The following PARP8 variants were observed in gnomAD, a reference collection of about 807,000 sequenced individuals.
PARP8 encodes the protein poly(ADP-ribose) polymerase family member 8, also known as protein mono-ADP-ribosyltransferase PARP8.
A neutral mutation model predicts 124.1 loss-of-function variants in PARP8; 51 were observed. The ratio of observed to expected loss-of-function variants is 0.41; its 90% CI spans 0.33 to 0.52. PARP8 has a LOEUF of 0.52. Among genes scored for constraint, PARP8 ranks in the 20% least tolerant of loss-of-function variants. PARP8 has a pLI of 0.21. For synonymous variants in PARP8, 391 were observed against 361.5 expected (o/e 1.08, Z -0.93); for missense variants, 860 against 1,018.9 (o/e 0.84, Z 2.12).
chr5:50,741,928 G>A, intron 2 of PARP8: 1 of 416,910 alleles, frequency 2.4e-6, no homozygotes, highest in South Asian at 1.7e-5. Context: ...TCCTGCCTCA[G>A]CCTTCTACTA....
rs188058752 is a variant in PARP8 at position 50,788,275 on chromosome 5, T to C, written c.671-248T>C. ...ATAATGTATACAATATAATGTATTA[T>C]GTATTATACAATATAATGTATAATG... On this transcript the variant is annotated intron_variant, in intron 9 of 25. Transcript: ENST00000281631. 3.2e-4 allele frequency among the ~76,000 whole-genome samples: 47 copies of C among 146,756 alleles called. 1 individual carries two copies. The East Asian group carries it at 7.0e-3, about 22-fold the overall frequency.
At chr5:50,715,822 T>A (rs191985105) in intron 2 of PARP8, among the ~76,000 whole-genome samples, 20 of 152,136 alleles carry the variant, frequency 1.3e-4, no homozygotes, top group African/African-American at 4.6e-4. Context: ...AGAGCTTCTG[T>A]CTCCTTCTTT....
chr5:50,828,169 A>C, intron 20 of PARP8, 113 bp downstream of exon 20: 1 of 1,118,820 alleles, frequency 8.9e-7, no homozygotes, highest in South Asian at 1.3e-5. Flanking sequence ...TGGTCATTCA[A>C]CAGATGGTCA....
intron 2 of PARP8, among the ~76,000 whole-genome samples, chr5:50,703,374 A>G (rs1753795444): frequency 1.3e-5 from 2 of 151,664 alleles, no homozygotes; most frequent in Admixed American, 1.3e-4. Context: ...GCTATTTCTG[A>G]TTAAGAAATA....
Position 50,788,557 on chromosome 5 carries a change from A to G in PARP8, c.705A>G (p.Lys235=). The G allele has an allele frequency of 6.2e-7, 1 of 1,613,532 alleles. No homozygotes were observed. The highest frequency in any genetic ancestry group is 1.1e-5 in the South Asian group (1 of 91,052). Residue 235 remains lysine, a synonymous_variant, in exon 10 of 26, where the codon AAA becomes AAG. Transcript: ENST00000281631. ...TTGATGTCTTTCAGATTTCCACAAA[A>G]GAGCGATTTGGATTGGGACATCAGC... ...PTVDVFQIST[K]ERFGLGHQLK...
intron 7 of PARP8, among the ~76,000 whole-genome samples, chr5:50,773,941 A>G (rs1761892996): frequency 6.6e-6 from 1 of 151,780 alleles, no homozygotes; most frequent in South Asian, 2.1e-4. Context: ...GCAGATAAAC[A>G]CGTGGACAAA....
At chr5:50,801,901 T>A (rs752429698) in intron 14 of PARP8, among the ~76,000 whole-genome samples, 3 of 152,234 alleles carry the variant, frequency 2.0e-5, no homozygotes, top group Admixed American at 6.5e-5. Flanking sequence ...TCTTCAAGTC[T>A]ATTTTGTCTG....
chr5:50,707,248 A>G (rs772097731), intron 2 of PARP8, among the ~76,000 whole-genome samples: 1 of 152,092 alleles, frequency 6.6e-6, no homozygotes, highest in Non-Finnish European at 1.5e-5. Flanking sequence ...CATTCAATTA[A>G]CATAAAGATA....
intron 2 of PARP8, among the ~76,000 whole-genome samples, chr5:50,708,783 T>A (rs1420379147): frequency 6.6e-6 from 1 of 151,816 alleles, no homozygotes; most frequent in Admixed American, 6.6e-5. Flanking sequence ...TTTTTTCAAT[T>A]ATTGTTATTA....
At chr5:50,783,941 G>C (rs1228406859) in intron 9 of PARP8, among the ~76,000 whole-genome samples, 1 of 152,008 alleles carries the variant, frequency 6.6e-6, no homozygotes, top group Non-Finnish European at 1.5e-5. Context: ...GATAGCTAGT[G>C]GGTTCAATTC....
chr5:50,778,647 C>T lies in PARP8; in HGVS notation c.667C>T (p.Pro223Ser). The T allele has an allele frequency of 6.3e-7, 1 of 1,579,718 alleles. No homozygotes were observed. ...TTCACTTACACAGTATTTAAATGGCCCAGGTTAGTTTTATTTCTTTATTTA... is the reference window on the plus strand; with the variant it reads ...TTCACTTACACAGTATTTAAATGGCTCAGGTTAGTTTTATTTCTTTATTTA... The part of the protein sequence containing the change: ...HCSLTQYLNG[P>S]VPTVDVFQIS... Residue 223 changes from proline (P) to serine (S), a missense_variant, in exon 9 of 26, where the codon CCA (proline) becomes TCA (serine). By Grantham distance (74) the Pro-to-Ser change is moderately conservative (BLOSUM62 -1). Coordinates refer to ENST00000281631, the MANE Select transcript of PARP8 (RefSeq NM_024615.4).
At chr5:50,693,888 GAT>G (rs1246082459) in intron 2 of PARP8, among the ~76,000 whole-genome samples, 1 of 151,624 alleles carries the variant, frequency 6.6e-6, no homozygotes, top group African/African-American at 2.4e-5. Flanking sequence ...TTAACAATTT[GAT>G]ATATGTCCTT....
At position 50,829,906 on chromosome 5, in the gene PARP8, G is replaced by T. The variant is rs1281817876; in HGVS notation, c.2178G>T (p.Met726Ile). 6.2e-7 allele frequency: 1 copy of T among 1,609,036 alleles called. No homozygotes were observed. Among genetic ancestry groups the T allele is most frequent in the Admixed American group, 1.7e-5 (1 of 59,852 alleles). Residue 726 changes from methionine (M) to isoleucine (I), a missense_variant, in exon 22 of 26, where the codon ATG becomes ATT. This residue lies in a region of PARP8 where 343 missense variants were observed against 474.7 expected (regional missense o/e 0.72). Coordinates refer to ENST00000281631, the MANE Select transcript of PARP8 (RefSeq NM_024615.4). ...TCCCATCTTAGCTCCATGGTGCAAT[G>T]TATGGAAGTGGAATCTATCTTAGTC... The part of the protein sequence containing the change: ...SNTRLQLHGA[M>I]YGSGIYLSPM...
At chr5:50,817,314 A>G (rs1371015816) in intron 15 of PARP8, among the ~76,000 whole-genome samples, 1 of 152,232 alleles carries the variant, frequency 6.6e-6, no homozygotes, top group Non-Finnish European at 1.5e-5. Flanking sequence ...ATCAATATCA[A>G]AAGATCAGAA....
chr5:50,842,728 C>A lies in PARP8; in HGVS notation c.*660C>A, dbSNP rs1936036759. The stretch of plus-strand genomic sequence containing the variant: ...GATGGCTTAGCTTCACAATTCTATC[C>A]TCGTTTAATGGAAAGAAGATAATAT... On this transcript the variant is annotated 3_prime_UTR_variant, in exon 26 of 26. Coordinates refer to ENST00000281631, the MANE Select transcript of PARP8 (RefSeq NM_024615.4). The A allele has an allele frequency of 6.6e-6, 1 of 151,560 alleles. No homozygotes were observed. The highest frequency in any genetic ancestry group is 2.1e-4 in the South Asian group (1 of 4,822). The allele number at this position is 151,560 out of a possible 1,614,324, so 9.4% of individuals were successfully genotyped here.
At chr5:50,826,606 A>G (rs1746378711) in intron 18 of PARP8, 149 bp from the exon 19 acceptor site, 1 of 1,020,516 alleles carries the variant, frequency 9.8e-7, no homozygotes, top group Non-Finnish European at 1.3e-6. Context: ...GTTTCAGGAA[A>G]CAAACCTAAA....
intron 22 of PARP8, among the ~76,000 whole-genome samples, chr5:50,830,750 C>T (rs572783912): frequency 6.6e-6 from 1 of 151,996 alleles, no homozygotes; most frequent in Non-Finnish European, 1.5e-5. Context: ...GTGTATGTTC[C>T]TTCACACTTT....
intron 2 of PARP8, among the ~76,000 whole-genome samples, chr5:50,687,023 T>G (rs1751946519): frequency 6.6e-6 from 1 of 152,198 alleles, no homozygotes; most frequent in South Asian, 2.1e-4. Context: ...TTATGCAAAT[T>G]TCTGCAGCCA....
chr5:50,746,286 A>G (rs1758532700), intron 2 of PARP8, among the ~76,000 whole-genome samples: 1 of 152,134 alleles, frequency 6.6e-6, no homozygotes, highest in Non-Finnish European at 1.5e-5. Flanking sequence ...GTGAAGGGAG[A>G]TGGATATGTC....
Sources: allele counts gnomAD v4.1 joint callset (sites outside exome capture counted in the v4.1 genomes callset), GRCh38; gene constraint gnomAD v4.1.1; regional missense constraint gnomAD v4.1.1; transcripts MANE v1.5; gene names NCBI Gene and HGNC (gene_info 2026-07-23, HGNC 2026-07-21).